PCSK5: variants seen among roughly 807,000 people sequenced by gnomAD.
The protein encoded by PCSK5 is prohormone convertase 5.
PCSK5 carries 129 observed loss-of-function variants against 233.2 expected under a neutral mutation model. The ratio of observed to expected loss-of-function variants is 0.55; its 90% CI spans 0.48 to 0.64. The LOEUF is 0.64. Ranked by LOEUF, PCSK5 falls within the 30% of genes least tolerant of loss-of-function variation. PCSK5 has a pLI of 0.00. For missense variants in PCSK5, 2,076 were observed against 2,430.1 expected, an observed-to-expected ratio of 0.85 and a Z score of 3.06; for synonymous variants, 825 against 879.2, an observed-to-expected ratio of 0.94 and a Z score of 1.09.
intron 5 of PCSK5, among the ~76,000 whole-genome samples, chr9:76,046,216 C>T (rs1442271989): frequency 1.3e-4 from 15 of 119,682 alleles, no homozygotes; most frequent in Admixed American, 6.2e-4. Flanking sequence ...CTCGCCCTCT[C>T]GCCCAGGCTG....
Position 76,358,925 on chromosome 9 carries a change from A to C in PCSK5, c.*3A>C. The C allele has an allele frequency of 6.2e-7, 1 of 1,610,358 alleles. No homozygotes were observed. Among genetic ancestry groups the C allele is most frequent in the Non-Finnish European group, 8.5e-7 (1 of 1,178,078 alleles). On this transcript the variant is annotated 3_prime_UTR_variant, in exon 38 of 38. Coordinates refer to ENST00000674117, the MANE Select transcript of PCSK5 (RefSeq NM_001372043.1). ...AGAGTTACTCCTACTACCAGTAAAC[A>C]GGCACTCCCCCACCAACACCACCAT...
intron 27 of PCSK5, among the ~76,000 whole-genome samples, chr9:76,298,711 T>A (rs1828518924): frequency 6.6e-6 from 1 of 152,122 alleles, no homozygotes; most frequent in Non-Finnish European, 1.5e-5. Context: ...CAAGCACTAA[T>A]TAGCCACACC....
intron 8 of PCSK5, among the ~76,000 whole-genome samples, chr9:76,098,771 C>T (rs970431537): frequency 3.3e-5 from 5 of 152,172 alleles, no homozygotes; most frequent in African/African-American, 1.2e-4. Context: ...TGGTCTCGTC[C>T]AGATGGGAGA....
intron 20 of PCSK5, among the ~76,000 whole-genome samples, chr9:76,192,405 T>TGTC (rs1425817886): frequency 6.6e-6 from 1 of 152,232 alleles, no homozygotes; most frequent in African/African-American, 2.4e-5. Flanking sequence ...CTCTTTCAAC[T>TGTC]GTCATATTTC....
chr9:76,234,348 A>G (rs1826187511), intron 22 of PCSK5, among the ~76,000 whole-genome samples: 1 of 152,188 alleles, frequency 6.6e-6, no homozygotes, highest in Admixed American at 6.5e-5. Context: ...CCTGGAGTCC[A>G]AAAGAGGCTG....
chr9:75,904,385 C>T (rs1037296314), intron 1 of PCSK5, among the ~76,000 whole-genome samples: 2 of 152,102 alleles, frequency 1.3e-5, no homozygotes, highest in African/African-American at 4.8e-5. Context: ...ATTTGCAAAT[C>T]ATATCTGAGG....
At chr9:76,222,234 G>A (rs547384717) in intron 20 of PCSK5, among the ~76,000 whole-genome samples, 1 of 152,186 alleles carries the variant, frequency 6.6e-6, no homozygotes, top group South Asian at 2.1e-4. Flanking sequence ...GATACCCTTT[G>A]GACCCATCCC....
At chr9:76,035,022 CATTA>C (rs1428101236) in intron 5 of PCSK5, among the ~76,000 whole-genome samples, 2 of 152,166 alleles carry the variant, frequency 1.3e-5, no homozygotes, top group African/African-American at 2.4e-5. Flanking sequence ...TGAGGGGCTG[CATTA>C]ATTGTCTGTC....
chr9:75,999,824 A>G (rs1380870633), intron 3 of PCSK5, among the ~76,000 whole-genome samples: 5 of 152,240 alleles, frequency 3.3e-5, no homozygotes, highest in Non-Finnish European at 4.4e-5. Flanking sequence ...TAAAATTCCT[A>G]GAAGAAAACC....
intron 3 of PCSK5, among the ~76,000 whole-genome samples, chr9:75,992,021 A>G (rs1256764235): frequency 4.6e-5 from 7 of 152,100 alleles, no homozygotes. Context: ...ACTTGAGTCT[A>G]GGAGGTCGAG....
chr9:76,213,809 G>A (rs1454797307), intron 20 of PCSK5, among the ~76,000 whole-genome samples: 1 of 151,992 alleles, frequency 6.6e-6, no homozygotes. Flanking sequence ...TCATTTGCCT[G>A]CTCCCAGAGA....
At chr9:76,103,196 A>G (rs1831835051) in intron 8 of PCSK5, among the ~76,000 whole-genome samples, 1 of 152,156 alleles carries the variant, frequency 6.6e-6, no homozygotes, top group Non-Finnish European at 1.5e-5. Context: ...ACACATTTAA[A>G]ATTTAGTTTC....
At position 76,323,017 on chromosome 9, in the gene PCSK5, C is replaced by G. The variant is rs779981095; in HGVS notation, c.4103-35C>G. 114 of 1,208,384 alleles carry G rather than the reference C, an allele frequency of 9.4e-5. 1 individual carries two copies. The highest frequency in any genetic ancestry group is 3.7e-4 in the Middle Eastern group (2 of 5,356). 74.9% of individuals were successfully genotyped at this position (1,208,384 alleles called of 1,614,324 possible). A position where few individuals can be genotyped will look rare whatever the true frequency, so the allele number is the denominator to read the frequency against. On this transcript the variant is annotated intron_variant, in intron 31 of 37. Coordinates refer to ENST00000674117, the MANE Select transcript of PCSK5 (RefSeq NM_001372043.1). ...GACAATGAATTCCTTTCTCCTACCC[C>G]CCGGGGATAACTTGCTGCTTCCTCC...
At chr9:76,023,656 A>C (rs1156621111) in intron 3 of PCSK5, 82 bp from the exon 4 acceptor site, 3 of 1,378,030 alleles carry the variant, frequency 2.2e-6, no homozygotes, top group Non-Finnish European at 3.0e-6. Flanking sequence ...GAGAAAAAAA[A>C]AAACAAAAGA....
At chr9:76,070,236 G>A (rs543320123) in intron 6 of PCSK5, among the ~76,000 whole-genome samples, 4 of 152,130 alleles carry the variant, frequency 2.6e-5, no homozygotes, top group South Asian at 4.1e-4. Context: ...TCCTGACCTC[G>A]TGATCCACCC....
At chr9:76,345,769 G>A (rs1015205848) in intron 35 of PCSK5, among the ~76,000 whole-genome samples, 1 of 151,258 alleles carries the variant, frequency 6.6e-6, no homozygotes, top group African/African-American at 2.4e-5. Context: ...GCCCAGGCTT[G>A]AGTGCAGTGG....
intron 24 of PCSK5, among the ~76,000 whole-genome samples, chr9:76,267,541 G>A (rs1827372255): frequency 6.6e-6 from 1 of 152,180 alleles, no homozygotes; most frequent in African/African-American, 2.4e-5. Flanking sequence ...GCTTTGTAGA[G>A]ACTGGGTATT....
intron 7 of PCSK5, among the ~76,000 whole-genome samples, chr9:76,076,564 A>G (rs1180956784): frequency 4.6e-5 from 7 of 152,208 alleles, no homozygotes; most frequent in Admixed American, 1.3e-4. Flanking sequence ...TTCACAGAGG[A>G]AATAAATACA....
chr9:76,055,414 A>AT (rs1199903496), intron 5 of PCSK5, among the ~76,000 whole-genome samples: 8 of 152,078 alleles, frequency 5.3e-5, no homozygotes, highest in Non-Finnish European at 1.0e-4. Context: ...AAATTTTTAA[A>AT]TTTTTTTTCT....
Sources: allele counts gnomAD v4.1 joint callset (sites outside exome capture counted in the v4.1 genomes callset), GRCh38; gene constraint gnomAD v4.1.1; transcripts MANE v1.5; gene names NCBI Gene and HGNC (gene_info 2026-07-23, HGNC 2026-07-21).